The following LRIF1 variants were observed in gnomAD, a reference collection of about 807,000 sequenced individuals.
LRIF1 encodes the protein ligand dependent nuclear receptor interacting factor 1.
LRIF1 carries 32 observed loss-of-function variants against 52.7 expected under a neutral mutation model. The observed-to-expected ratio is 0.61, with a 90% CI of 0.46 to 0.82. The LOEUF (loss-of-function observed/expected upper bound fraction) is 0.82, where lower values mean the gene tolerates loss of function less well. LRIF1 is among the 40% of genes least tolerant of loss of function. LRIF1 has a pLI of 0.00. For synonymous variants in LRIF1, 323 were observed against 317.4 expected (o/e 1.02, Z -0.19); for missense variants, 887 against 892.0 (o/e 0.99, Z 0.07).
chr1:110,910,854 G>C, the LRIF1 span, among the ~76,000 whole-genome samples: 3 of 152,166 alleles, frequency 2.0e-5, no homozygotes, highest in Non-Finnish European at 2.9e-5. Context: ...AGCTAAAGTA[G>C]TGTTAAGGAG....
chr1:110,952,695 G>T lies in LRIF1; in HGVS notation c.189C>A (p.Val63=). 1.2e-6 allele frequency: 2 copies of T among 1,614,032 alleles called. No individual in the cohort carries two copies. The highest frequency in any genetic ancestry group is 2.2e-5 in the South Asian group (2 of 91,032). ...GNLIPLVQSS[V]MSDALKGNTG... is the part of the protein sequence containing the mutation. ...TATTCCCTTTCAAAGCATCAGACAT[G>T]ACTGAAGATTGAACTAGTGGTATAA... is the stretch of plus-strand genomic sequence containing the variant. Residue 63 remains valine (V), a synonymous_variant, in exon 2 of 4, where the codon GTC becomes GTA. Transcript: ENST00000369763.
chr1:110,899,972 A>G, the LRIF1 span: 1 of 152,634 alleles, frequency 6.6e-6, no homozygotes, highest in African/African-American at 2.4e-5. Context: ...CAGCCTGATT[A>G]CCCTGATTAA....
the LRIF1 span, among the ~76,000 whole-genome samples, chr1:110,901,564 C>T: frequency 1.2e-3 from 180 of 148,120 alleles, 2 homozygotes; most frequent in Admixed American, 9.7e-3. Context: ...GTAACCTCTG[C>T]CTCCCTAGTT....
the LRIF1 span, among the ~76,000 whole-genome samples, chr1:110,930,949 T>A: frequency 6.6e-6 from 1 of 152,130 alleles, no homozygotes; most frequent in African/African-American, 2.4e-5. Context: ...ATCTTGACCC[T>A]GTCGTCCAGC....
intron 1 of LRIF1, among the ~76,000 whole-genome samples, chr1:110,957,913 T>A (rs963398084): frequency 6.6e-6 from 1 of 152,234 alleles, no homozygotes; most frequent in Non-Finnish European, 1.5e-5. Context: ...CCATCTTTTC[T>A]TTCTTCATCA....
At chr1:110,954,126 ACT>A (rs1658597616) in intron 1 of LRIF1, among the ~76,000 whole-genome samples, 1 of 152,130 alleles carries the variant, frequency 6.6e-6, no homozygotes, top group African/African-American at 2.4e-5. Flanking sequence ...TGTTTTTAAA[ACT>A]CTCAGGTATT....
the LRIF1 span, among the ~76,000 whole-genome samples, chr1:110,924,821 G>A: frequency 2.6e-5 from 4 of 152,090 alleles, no homozygotes; most frequent in Non-Finnish European, 4.4e-5. Flanking sequence ...CAAAATATTA[G>A]CAGCATTTAT....
the LRIF1 span, among the ~76,000 whole-genome samples, chr1:110,882,908 G>A: frequency 1.6e-4 from 25 of 152,018 alleles, no homozygotes; most frequent in African/African-American, 4.6e-4. Context: ...ATTGAATCTT[G>A]TTTCTAGCAA....
Position 110,951,521 on chromosome 1 carries a change from T to G in LRIF1, c.1363A>C (p.Thr455Pro), listed in dbSNP as rs772336000. The G allele has an allele frequency of 4.3e-6, 7 of 1,614,198 alleles. No individual in the cohort carries two copies. Among genetic ancestry groups the G allele is most frequent in the Non-Finnish European group, 5.9e-6 (7 of 1,180,026 alleles). Residue 455 changes from threonine (T) to proline (P), a missense_variant, in exon 2 of 4, where the codon ACA (threonine) becomes CCA (proline). Transcript: ENST00000369763. ...CTGGATTGGTTCATATGTGGATTTG[T>G]GGTAGAAGGAGATGGTTTCTCCACT... ...NKVEKPSPST[T>P]NPHMNQSSNY...
chr1:110,922,222 G>A, the LRIF1 span, among the ~76,000 whole-genome samples: 1 of 152,196 alleles, frequency 6.6e-6, no homozygotes, highest in Non-Finnish European at 1.5e-5. Flanking sequence ...ACCTTTAAGA[G>A]ATGATTAGGA....
Position 110,952,015 on chromosome 1 carries a change from T to C in LRIF1, c.869A>G (p.Lys290Arg). ...CTGTAGATTATCTTGGAAAATCCAT[T>C]TCACTGGAGCAGCTTGAGAATGCTG... Reference protein sequence around the residue: ...GGQHSQAAPVKWIFQDNLQPF... With the variant: ...GGQHSQAAPVRWIFQDNLQPF... The change falls in exon 2 of 4, where the codon AAA (lysine) becomes AGA (arginine). Residue 290 changes from lysine to arginine, a missense_variant. Physicochemically the swap from Lys to Arg is conservative, Grantham distance 26. Transcript: ENST00000369763. The C allele has an allele frequency of 1.2e-6, 2 of 1,614,164 alleles. No homozygotes were observed. The highest frequency in any genetic ancestry group is 1.7e-6 in the Non-Finnish European group (2 of 1,180,020).
the LRIF1 span, among the ~76,000 whole-genome samples, chr1:110,921,825 T>A: frequency 3.3e-5 from 5 of 152,144 alleles, no homozygotes; most frequent in Non-Finnish European, 7.4e-5. Context: ...GTACCTTTTT[T>A]AAAAAAAGCT....
At chr1:110,941,116 T>C in the LRIF1 span, 28 of 151,988 alleles carry the variant, frequency 1.8e-4, no homozygotes, top group African/African-American at 6.5e-4. Context: ...TACTATGTAC[T>C]CACAAAAATT....
chr1:110,882,334 T>C, the LRIF1 span, among the ~76,000 whole-genome samples: 1 of 152,098 alleles, frequency 6.6e-6, no homozygotes, highest in Non-Finnish European at 1.5e-5. Flanking sequence ...GCACCATTTG[T>C]TGAAAAAAGT....
At position 110,952,514 on chromosome 1, in the gene LRIF1, C is replaced by G; in HGVS notation, c.370G>C (p.Gly124Arg). The G allele has an allele frequency of 2.5e-6, 4 of 1,613,652 alleles. No homozygotes were observed. Among genetic ancestry groups the G allele is most frequent in the Non-Finnish European group, 3.4e-6 (4 of 1,179,620 alleles). ...TSEKGRVTSV[G>R]TGNFSSSVSK... ...ACTGATGAAGAAAAATTTCCAGTTC[C>G]CACAGAAGTAACTCTACCTTTTTCT... Residue 124 changes from glycine (G) to arginine (R), a missense_variant, in exon 2 of 4, where the codon GGA (glycine) becomes CGA (arginine). Transcript: ENST00000369763.
At chr1:110,894,371 G>T in the LRIF1 span, 1 of 1,613,940 alleles carries the variant, frequency 6.2e-7, no homozygotes, top group East Asian at 2.2e-5. Context: ...AGGTGACCTT[G>T]GCCATCCTGC....
In LRIF1 at chr1:110,963,629, G is replaced by A. The variant is rs1659060539; in HGVS notation, c.60C>T (p.Ala20=). Residue 20 remains alanine, a synonymous_variant, in exon 1 of 4, where the codon GCC becomes GCT. Coordinates refer to ENST00000369763, the MANE Select transcript of LRIF1 (RefSeq NM_018372.4). ...TCGAAACCGGTACTTACCAACGCGA[G>A]GCGTTGCCTGAATTTTCCTCTGCGG... ...LKPAEENSGN[A]SRCVSGCMYQ... is the part of the protein sequence containing the mutation. 6.2e-7 allele frequency: 1 copy of A among 1,609,554 alleles called. No individual in the cohort carries two copies. The highest frequency in any genetic ancestry group is 1.3e-5 in the African/African-American group (1 of 75,026).
At chr1:110,960,732 C>T (rs1231739157) in intron 1 of LRIF1, among the ~76,000 whole-genome samples, 2 of 152,120 alleles carry the variant, frequency 1.3e-5, no homozygotes, top group African/African-American at 4.8e-5. Context: ...TTCTTCCTGC[C>T]AATTCATTAA....
chr1:110,893,267 T>A, the LRIF1 span, among the ~76,000 whole-genome samples: 1 of 152,358 alleles, frequency 6.6e-6, no homozygotes, highest in African/African-American at 2.4e-5. Context: ...ATTTGGTTAA[T>A]CTTTTTTCCA....
Sources: gnomAD v4.1 joint callset for allele counts (sites outside exome capture counted in the v4.1 genomes callset) on GRCh38, gnomAD v4.1.1 for gene constraint, MANE v1.5 for transcripts, NCBI Gene and HGNC (gene_info 2026-07-23, HGNC 2026-07-21) for gene names.